Variants in DNAJC18 observed in about 807,000 individuals in gnomAD.
DNAJC18 encodes DnaJ heat shock protein family (Hsp40) member C18, also known as dnaJ homolog subfamily C member 18.
A neutral mutation model predicts 48.6 loss-of-function variants in DNAJC18; 40 were observed. The ratio of observed to expected loss-of-function variants is 0.82; its 90% confidence interval spans 0.64 to 1.07. The LOEUF (loss-of-function observed/expected upper bound fraction) is 1.07. Among genes scored for constraint, DNAJC18 ranks in the 50% least tolerant of loss-of-function variants. The pLI, the probability that DNAJC18 is intolerant of heterozygous loss-of-function variation, is 0.00. For missense variants in DNAJC18, 340 were observed against 427.7 expected (o/e 0.79, Z 1.81); for synonymous variants, 135 against 152.2 (o/e 0.89, Z 0.83).
chr5:139,424,963 A>T, intron 5 of DNAJC18, 42 bp downstream of exon 5: 1 of 1,560,192 alleles, frequency 6.4e-7, no homozygotes, highest in Non-Finnish European at 8.8e-7. Flanking sequence ...TTGGCCAAGT[A>T]CAACTGTTTA....
chr5:139,419,073 C>T (rs1340636605), intron 7 of DNAJC18: 15 of 428,962 alleles, frequency 3.5e-5, no homozygotes, highest in Non-Finnish European at 6.9e-5. Context: ...TTTTATCAGA[C>T]TCCATTAGGT....
chr5:139,425,032 C>T lies in DNAJC18; in HGVS notation c.642G>A (p.Gln214=). The change falls in exon 5 of 8, where the codon CAG becomes CAA. Residue 214 remains glutamine, a synonymous_variant. Coordinates refer to ENST00000302060, the MANE Select transcript of DNAJC18 (RefSeq NM_152686.4). ...RRHRHERTQT[Q]KEEEEEKPQT... ...GAGGTTTCTCTTCTTCCTCCTCCTT[C>T]TGAGTCTGTGTCCTCTCATGTCGGT... 3 of 1,613,444 alleles carry T rather than the reference C, an allele frequency of 1.9e-6. No individual in the cohort carries two copies. Among genetic ancestry groups the T allele is most frequent in the Non-Finnish European group, 2.5e-6 (3 of 1,179,480 alleles).
chr5:139,424,218 A>C (rs1458240204), intron 5 of DNAJC18, among the ~76,000 whole-genome samples: 5 of 152,142 alleles, frequency 3.3e-5, no homozygotes, highest in Admixed American at 3.3e-4. Context: ...AAACAGAGGC[A>C]AAGAGTGGCA....
intron 2 of DNAJC18, among the ~76,000 whole-genome samples, chr5:139,432,961 A>G (rs1759353249): frequency 6.6e-6 from 1 of 152,110 alleles, no homozygotes; most frequent in South Asian, 2.1e-4. Flanking sequence ...TTTCCAGAAT[A>G]GGGCACTTTT....
intron 5 of DNAJC18, 137 bp downstream of exon 5, chr5:139,424,868 T>C (rs1405993337): frequency 2.8e-6 from 2 of 722,168 alleles, no homozygotes; most frequent in African/African-American, 1.8e-5. Context: ...CTTCTAACCA[T>C]TGCTTTTGCT....
intron 2 of DNAJC18, among the ~76,000 whole-genome samples, chr5:139,431,583 T>C (rs916195748): frequency 6.6e-6 from 1 of 152,250 alleles, no homozygotes; most frequent in Non-Finnish European, 1.5e-5. Context: ...ATATACACCA[T>C]GTTGCTTGTC....
chr5:139,437,316 G>A, intron 2 of DNAJC18, 56 bp downstream of exon 2: 1 of 1,519,852 alleles, frequency 6.6e-7, no homozygotes, highest in South Asian at 1.3e-5. Context: ...GCACATCCAG[G>A]CACTCTTCTA....
At chr5:139,414,380 C>A in intron 7 of DNAJC18, 108 bp from the exon 8 acceptor site, 2 of 1,407,488 alleles carry the variant, frequency 1.4e-6, no homozygotes, top group Non-Finnish European at 1.9e-6. Context: ...CTTTTTCTTA[C>A]AATTAAATAT....
intron 7 of DNAJC18, 91 bp from the exon 8 acceptor site, chr5:139,414,363 T>C (rs1349016589): frequency 5.4e-6 from 8 of 1,476,982 alleles, no homozygotes; most frequent in Non-Finnish European, 6.3e-6. Context: ...TTTTACTTCA[T>C]TTCAAGCTTT....
chr5:139,423,011 AT>A (rs1759179809), intron 5 of DNAJC18, among the ~76,000 whole-genome samples, 194 bp from the exon 6 acceptor site: 1 of 151,850 alleles, frequency 6.6e-6, no homozygotes, highest in Non-Finnish European at 1.5e-5. Context: ...TAGTTTTTGT[AT>A]TTTTAGTAGA....
Position 139,412,907 on chromosome 5 carries a change from T to A in DNAJC18, c.*1241A>T, listed in dbSNP as rs529108816. 1 of 398,690 alleles carries A rather than the reference T, an allele frequency of 2.5e-6. No individual in the cohort carries two copies. Among genetic ancestry groups the A allele is most frequent in the African/African-American group, 2.1e-5 (1 of 48,768 alleles). The allele number at this position is 398,690 out of a possible 1,614,324, so 24.7% of individuals were successfully genotyped here. ...ACGGAGGCATCCTCGGGAAAGGTTC[T>A]GCTTTGCCAGTCTGGCTAGAATCAC... On this transcript the variant is annotated 3_prime_UTR_variant, in exon 8 of 8. Transcript: ENST00000302060.
rs746769282 is a variant in DNAJC18 at position 139,437,553 on chromosome 5, T to C, written c.46A>G (p.Ile16Val). 1.2e-6 allele frequency: 2 copies of C among 1,610,738 alleles called. No individual in the cohort carries two copies. Among genetic ancestry groups the C allele is most frequent in the Non-Finnish European group, 1.7e-6 (2 of 1,178,930 alleles). The change falls in exon 2 of 8, where the codon ATT becomes GTT. Residue 16 changes from isoleucine (I) to valine (V), a missense_variant. Coordinates refer to ENST00000302060, the MANE Select transcript of DNAJC18 (RefSeq NM_152686.4). ...TATTTGTTTCTTCTAACTGCGTCAA[T>C]GTAAGCTGCAAACAACAGCCCCTCC... ...GSGERWTEAY[I>V]DAVRRNKYPE...
intron 3 of DNAJC18, among the ~76,000 whole-genome samples, chr5:139,427,547 G>A (rs1759262818): frequency 6.6e-6 from 1 of 152,156 alleles, no homozygotes; most frequent in Middle Eastern, 3.4e-3. Flanking sequence ...CATATGTATT[G>A]TAATAATTAT....
At chr5:139,436,083 CT>C (rs527265842) in intron 2 of DNAJC18, among the ~76,000 whole-genome samples, 4 of 146,412 alleles carry the variant, frequency 2.7e-5, no homozygotes, top group African/African-American at 5.0e-5. Context: ...TTGGGTTTTC[CT>C]TTTTTTTTTC....
At chr5:139,419,157 G>C (rs761961131) in intron 7 of DNAJC18, 2 of 450,230 alleles carry the variant, frequency 4.4e-6, no homozygotes. Context: ...CAAAACTTCA[G>C]TTAAAAGGGT....
At chr5:139,435,713 T>TTTTTTTTG (rs1392961576) in intron 2 of DNAJC18, among the ~76,000 whole-genome samples, 3 of 111,356 alleles carry the variant, frequency 2.7e-5, no homozygotes, top group Admixed American at 9.7e-5. Flanking sequence ...AAGTTTTTTT[T>TTTTTTTTG]TTTTTTTTTT....
At chr5:139,417,444 C>A (rs1024522501) in intron 7 of DNAJC18, among the ~76,000 whole-genome samples, 1 of 152,076 alleles carries the variant, frequency 6.6e-6, no homozygotes, top group Non-Finnish European at 1.5e-5. Flanking sequence ...TCAAATGGCA[C>A]TTGGGTTGTG....
At chr5:139,417,139 G>A (rs1385575640) in intron 7 of DNAJC18, among the ~76,000 whole-genome samples, 1 of 149,174 alleles carries the variant, frequency 6.7e-6, no homozygotes, top group African/African-American at 2.5e-5. Flanking sequence ...GCAGTGCGCC[G>A]AGATTGCATG....
intron 2 of DNAJC18, among the ~76,000 whole-genome samples, chr5:139,429,844 T>C (rs953240444): frequency 6.6e-6 from 1 of 152,152 alleles, no homozygotes; most frequent in African/African-American, 2.4e-5. Context: ...GGTGGATCAC[T>C]TAAGCCCAGG....
Sources: allele counts gnomAD v4.1 joint callset (sites outside exome capture counted in the v4.1 genomes callset), GRCh38; gene constraint gnomAD v4.1.1; transcripts MANE v1.5; gene names NCBI Gene and HGNC (gene_info 2026-07-23, HGNC 2026-07-21).